Variants in ARHGAP35 observed in about 807,000 individuals in gnomAD.
The protein encoded by ARHGAP35 is Rho GTPase activating protein 35.
In ARHGAP35, 15 loss-of-function variants were observed where a neutral mutation model predicts 111.1. That is an observed-to-expected ratio of 0.13 (90% CI 0.09 to 0.21). The LOEUF (loss-of-function observed/expected upper bound fraction) is 0.21. Among genes scored for constraint, ARHGAP35 ranks in the 10% least tolerant of loss-of-function variants. The probability of loss-of-function intolerance (pLI) is 1.00; values close to 1 mark genes in which losing one functional copy is unlikely to be tolerated. For synonymous variants in ARHGAP35, 643 were observed against 710.3 expected (o/e 0.91, Z 1.51); for missense variants, 1,262 against 1,873.0 (o/e 0.67, Z 6.02).
At position 46,999,095 on chromosome 19, in the gene ARHGAP35, G is replaced by A. The variant is rs901834985; in HGVS notation, c.4037-209G>A. 8 of 563,518 alleles carry A rather than the reference G, an allele frequency of 1.4e-5. No individual in the cohort carries two copies. The Admixed American group carries it at 2.1e-4, about 15-fold the overall frequency. 34.9% of individuals were successfully genotyped at this position (563,518 alleles called of 1,614,324 possible). ...GCACACAGTGCCGCCCTTCAGCGGG[G>A]GCCTGGGACACAGAGGTGGGCCAGA... On this transcript the variant is annotated intron_variant, in intron 5 of 6. Transcript: ENST00000672722. The surrounding 1 kb of genome is among the most constrained non-coding windows in gnomAD (Gnocchi z 5.4).
chr19:46,875,887 G>A (rs1177029141), intron 1 of ARHGAP35, among the ~76,000 whole-genome samples: 1 of 152,068 alleles, frequency 6.6e-6, no homozygotes, highest in Non-Finnish European at 1.5e-5. Flanking sequence ...ATAGTTTGAA[G>A]GTCTTATCAG....
At chr19:46,948,100 G>A (rs2056390270) in intron 3 of ARHGAP35, 1 of 152,216 alleles carries the variant, frequency 6.6e-6, no homozygotes, top group Non-Finnish European at 1.5e-5. Flanking sequence ...GACCCTCGCA[G>A]GGGAGGGTCT....
At chr19:46,886,685 AAATGT>A (rs2055994798) in intron 1 of ARHGAP35, among the ~76,000 whole-genome samples, 1 of 152,198 alleles carries the variant, frequency 6.6e-6, no homozygotes. Flanking sequence ...TGCAGGTTAT[AAATGT>A]AACAGAAAGA....
intron 3 of ARHGAP35, among the ~76,000 whole-genome samples, chr19:46,970,415 G>A (rs2056539459): frequency 6.6e-6 from 1 of 152,202 alleles, no homozygotes; most frequent in African/African-American, 2.4e-5. Flanking sequence ...GAAGGACTGT[G>A]CAAGCAGGCA....
chr19:47,004,170 G>C lies in ARHGAP35; in HGVS notation c.*3482G>C, dbSNP rs537442389. The C allele has an allele frequency of 6.6e-6, 1 of 152,322 alleles. No homozygotes were observed. Among genetic ancestry groups the C allele is most frequent in the Admixed American group, 6.5e-5 (1 of 15,290 alleles). The allele number at this position is 152,322 out of a possible 1,614,324, so 9.4% of individuals were successfully genotyped here. A position where few individuals can be genotyped will look rare whatever the true frequency, so the allele number is the denominator to read the frequency against. On this transcript the variant is annotated 3_prime_UTR_variant, in exon 7 of 7. Transcript: ENST00000672722. ...AGGGATCCGGGGAAGCTGCGGCAGGGAGCGGGCGCCGGCTTCGTGGCTCTG... is the reference window on the plus strand; with the variant it reads ...AGGGATCCGGGGAAGCTGCGGCAGGCAGCGGGCGCCGGCTTCGTGGCTCTG...
At chr19:46,937,791 C>G (rs1041766388) in intron 3 of ARHGAP35, among the ~76,000 whole-genome samples, 15 of 152,180 alleles carry the variant, frequency 9.9e-5, no homozygotes, top group African/African-American at 3.1e-4. Flanking sequence ...GTCCTCAGTA[C>G]TATAGTGGAT....
intron 1 of ARHGAP35, among the ~76,000 whole-genome samples, chr19:46,890,139 G>T (rs2056016926): frequency 6.6e-6 from 1 of 152,134 alleles, no homozygotes; most frequent in South Asian, 2.1e-4. Context: ...GCCTCATTTT[G>T]TCTCCGTTTT....
chr19:46,989,587 C>T lies in ARHGAP35; in HGVS notation c.3948C>T (p.Thr1316=), dbSNP rs376043917. ...CAGAGAAAGACTTTACGGTGAATAC[C>T]GTGGCTGGTGCCATGAAGAGCTTTT... is the stretch of plus-strand genomic sequence containing the variant. ...DLAEKDFTVN[T]VAGAMKSFFS... The change falls in exon 5 of 7, where the codon ACC becomes ACT. Residue 1316 remains threonine, a synonymous_variant. Coordinates refer to ENST00000672722, the MANE Select transcript of ARHGAP35 (RefSeq NM_004491.5). This position sits in a 1 kb window ranked among gnomAD's most constrained non-coding sequence, Gnocchi z 5.3. 12 of 1,613,866 alleles carry T rather than the reference C, an allele frequency of 7.4e-6. No homozygotes were observed. The highest frequency in any genetic ancestry group is 6.7e-5 in the African/African-American group (5 of 74,938).
intron 1 of ARHGAP35, among the ~76,000 whole-genome samples, chr19:46,904,182 C>G (rs983643480): frequency 6.6e-6 from 1 of 152,176 alleles, no homozygotes; most frequent in African/African-American, 2.4e-5. Context: ...ACAGACAGCT[C>G]TGACAGCAGT....
In ARHGAP35 at chr19:46,919,954, A is replaced by G. The variant is rs1344725736; in HGVS notation, c.1279A>G (p.Arg427Gly). 1.9e-6 allele frequency: 3 copies of G among 1,614,026 alleles called. No individual in the cohort carries two copies. The highest frequency in any genetic ancestry group is 1.7e-6 in the Non-Finnish European group (2 of 1,179,896). ...CCACTTAGAGAAGCTGAGGAACGAA[A>G]GGAAAAGAGTTGAGATGCGAAGGGC... ...EAHLEKLRNE[R>G]KRVEMRRAFK... Residue 427 changes from arginine (R) to glycine (G), a missense_variant, in exon 2 of 7, where the codon AGG (arginine) becomes GGG (glycine). By Grantham distance (125) the Arg-to-Gly change is moderately radical. Coordinates refer to ENST00000672722, the MANE Select transcript of ARHGAP35 (RefSeq NM_004491.5). The surrounding 1 kb of genome is among the most constrained non-coding windows in gnomAD (Gnocchi z 6.2).
At position 46,928,022 on chromosome 19, in the gene ARHGAP35, T is replaced by C. The variant is rs117511433; in HGVS notation, c.3681+5666T>C. Among the ~76,000 whole-genome samples, 913 of 152,288 alleles carry C rather than the reference T, an allele frequency of 6.0e-3. 5 individuals are homozygous for C. The highest frequency in any genetic ancestry group is 0.02 in the South Asian group (98 of 4,820). The stretch of plus-strand genomic sequence containing the variant: ...CCCCCCAGAACAGCACGGTGCTGTT[T>C]GTTTCTAGCTTCAGAGCCTAGTTGA... On this transcript the variant is annotated intron_variant, in intron 2 of 6. Transcript: ENST00000672722.
intron 3 of ARHGAP35, among the ~76,000 whole-genome samples, chr19:46,937,660 G>A (rs2056317454): frequency 6.6e-6 from 1 of 152,238 alleles, no homozygotes; most frequent in Non-Finnish European, 1.5e-5. Context: ...TGGCAGCTAT[G>A]GCTGCTTGGG....
At position 47,001,190 on chromosome 19, in the gene ARHGAP35, T is replaced by C; in HGVS notation, c.*502T>C. On this transcript the variant is annotated 3_prime_UTR_variant, in exon 7 of 7. Coordinates refer to ENST00000672722, the MANE Select transcript of ARHGAP35 (RefSeq NM_004491.5). The surrounding 1 kb of genome is among the most constrained non-coding windows in gnomAD (Gnocchi z 5.4). ...GGGTACAGCCCGGCTGGCGGCCTCC[T>C]TGGGAACGTGTAGGCCACGGCTCTG... The C allele has an allele frequency of 8.0e-7, 1 of 1,252,414 alleles. No homozygotes were observed. The highest frequency in any genetic ancestry group is 1.6e-5 in the African/African-American group (1 of 64,482). 77.6% of individuals were successfully genotyped at this position (1,252,414 alleles called of 1,614,324 possible). A position where few individuals can be genotyped will look rare whatever the true frequency, so the allele number is the denominator to read the frequency against.
Position 47,004,962 on chromosome 19 carries a change from A to T in ARHGAP35, c.*4274A>T, listed in dbSNP as rs1034267167. 4 of 152,190 alleles carry T rather than the reference A, an allele frequency of 2.6e-5. No homozygotes were observed. The highest frequency in any genetic ancestry group is 4.4e-5 in the Non-Finnish European group (3 of 68,038). 9.4% of individuals were successfully genotyped at this position (152,190 alleles called of 1,614,324 possible). ...GTGTTTTTGTTTGGTTTTGTTTTTT[A>T]AAATCATGTATTTGCTACAAAGTAT... is the stretch of plus-strand genomic sequence containing the variant. On this transcript the variant is annotated 3_prime_UTR_variant, in exon 7 of 7. Transcript: ENST00000672722.
chr19:46,942,771 G>A (rs750297220), intron 3 of ARHGAP35, among the ~76,000 whole-genome samples: 4 of 133,772 alleles, frequency 3.0e-5, no homozygotes, highest in East Asian at 4.4e-4. Flanking sequence ...AGCTCTGATC[G>A]CACCACTGCA....
chr19:46,927,745 G>A (rs2056246851), intron 2 of ARHGAP35, among the ~76,000 whole-genome samples: 1 of 152,084 alleles, frequency 6.6e-6, no homozygotes, highest in Non-Finnish European at 1.5e-5. Context: ...TTGATTTTGA[G>A]TTGAGGTAAC....
intron 3 of ARHGAP35, among the ~76,000 whole-genome samples, chr19:46,983,706 C>G (rs553456034): frequency 1.5e-3 from 227 of 151,406 alleles, no homozygotes; most frequent in African/African-American, 5.2e-3. Flanking sequence ...CTCCGCCTCC[C>G]AGGTTCACGC....
At position 46,861,011 on chromosome 19, in the gene ARHGAP35, C is replaced by CCGCGG. The variant is rs2055822054; in HGVS notation, c.-379_-375dup. Among the ~76,000 whole-genome samples the CCGCGG allele has an allele frequency of 6.7e-6, 1 of 150,290 alleles. No individual in the cohort carries two copies. The highest frequency in any genetic ancestry group is 2.4e-5 in the African/African-American group (1 of 41,082). ...CCCCGCCCCCCGCCCCGAGGGAGAG[C>CCGCGG]CGCGGCGCGGCGGCAGGAGGAGGTG... On this transcript the variant is annotated 5_prime_UTR_variant, in exon 1 of 7. Transcript: ENST00000672722.
chr19:46,907,681 G>C (rs901392733), intron 1 of ARHGAP35, among the ~76,000 whole-genome samples: 2 of 151,026 alleles, frequency 1.3e-5, no homozygotes, highest in Non-Finnish European at 2.9e-5. Context: ...GTTTCACCAT[G>C]TTAGCCAGGA....
Sources: allele counts gnomAD v4.1 joint callset (sites outside exome capture counted in the v4.1 genomes callset), GRCh38; gene constraint gnomAD v4.1.1; non-coding constraint Gnocchi (gnomAD v3.1); transcripts MANE v1.5; gene names NCBI Gene and HGNC (gene_info 2026-07-23, HGNC 2026-07-21).